The following PREPL variants were observed in gnomAD, a reference collection of about 807,000 sequenced individuals.
PREPL encodes the protein prolyl endopeptidase like, also known as prolyl endopeptidase-like.
A neutral mutation model predicts 70.6 loss-of-function variants in PREPL; 77 were observed. That is an observed-to-expected ratio of 1.09 (90% CI 0.91 to 1.32). The LOEUF is 1.32. Ranked by LOEUF, PREPL falls within the 40% of genes most tolerant of loss-of-function variation. PREPL has a pLI of 0.00. For synonymous variants in PREPL, 315 were observed against 264.8 expected (o/e 1.19, Z -1.84); for missense variants, 1,002 against 778.2 (o/e 1.29, Z -3.42).
At chr2:44,352,114 T>A (rs1363004657) in intron 1 of PREPL, among the ~76,000 whole-genome samples, 1 of 152,236 alleles carries the variant, frequency 6.6e-6, no homozygotes, top group Non-Finnish European at 1.5e-5. Context: ...AAATGTCATC[T>A]TCTAAGTTAG....
At chr2:44,343,037 A>C (rs187539574) in intron 4 of PREPL, among the ~76,000 whole-genome samples, 1 of 152,354 alleles carries the variant, frequency 6.6e-6, no homozygotes, top group East Asian at 1.9e-4. Flanking sequence ...AAGTTTGCAC[A>C]CAATTACACC....
At position 44,326,936 on chromosome 2, in the gene PREPL, T is replaced by C; in HGVS notation, c.1263-8A>G. The C allele has an allele frequency of 6.2e-7, 1 of 1,613,056 alleles. No homozygotes were observed. Among genetic ancestry groups the C allele is most frequent in the Non-Finnish European group, 8.5e-7 (1 of 1,179,366 alleles). ...CCTAACTCACCACCACCTCTGAAAT[T>C]GAAGGGCAAAAAAGTTTTAGTGGAA... On this transcript the variant is annotated splice_polypyrimidine_tract_variant and splice_region_variant and intron_variant, in intron 9 of 13. Transcript: ENST00000409411.
At chr2:44,323,200 G>GTT in intron 11 of PREPL, 62 bp downstream of exon 11, 65 of 1,295,910 alleles carry the variant, frequency 5.0e-5, no homozygotes, top group Admixed American at 1.0e-4. Context: ...GCTTGGATAA[G>GTT]TTTTTTTTTT....
intron 1 of PREPL, among the ~76,000 whole-genome samples, chr2:44,352,134 A>C (rs1019294355): frequency 6.6e-6 from 1 of 152,210 alleles, no homozygotes; most frequent in African/African-American, 2.4e-5. Flanking sequence ...GGCCTTTCCT[A>C]ACCATTTTAC....
chr2:44,350,932 G>T (rs1453735719), intron 1 of PREPL, among the ~76,000 whole-genome samples: 1 of 150,604 alleles, frequency 6.6e-6, no homozygotes, highest in Non-Finnish European at 1.5e-5. Context: ...TTCCTTCTCA[G>T]TATCTTTAGC....
chr2:44,359,645 T>C lies in PREPL; in HGVS notation c.-49+1735A>G, dbSNP rs374974603. On this transcript the variant is annotated intron_variant, in intron 1 of 13. Coordinates refer to ENST00000409411, the MANE Select transcript of PREPL (RefSeq NM_001171613.2). ...GTTATAGTGATTCAAATGCTGTTTC[T>C]GCATGCATTTTCCAAGGTGAGGAAT... 113 of 1,613,116 alleles carry C rather than the reference T, an allele frequency of 7.0e-5. 1 individual carries two copies. The Admixed American group carries it at 1.8e-3, about 26-fold the overall frequency.
chr2:44,360,024 C>A, intron 1 of PREPL: 1 of 260,726 alleles, frequency 3.8e-6, no homozygotes, highest in Non-Finnish European at 7.3e-6. Flanking sequence ...GACTCTGGCA[C>A]ACATAGGGGT....
In PREPL at chr2:44,318,641, A is replaced by G. The variant is rs1475072841; in HGVS notation, c.*2715T>C. On this transcript the variant is annotated 3_prime_UTR_variant, in exon 14 of 14. Coordinates refer to ENST00000409411, the MANE Select transcript of PREPL (RefSeq NM_001171613.2). ...TGCCTATGCAAACATATGATACATT[A>G]AAAACAAAAGAACATATAGTGCCTG... 1.3e-5 allele frequency: 2 copies of G among 152,260 alleles called. No individual in the cohort carries two copies. Among genetic ancestry groups the G allele is most frequent in the African/African-American group, 4.8e-5 (2 of 41,444 alleles). 9.4% of individuals were successfully genotyped at this position (152,260 alleles called of 1,614,324 possible). A position where few individuals can be genotyped will look rare whatever the true frequency, so the allele number is the denominator to read the frequency against.
At position 44,322,744 on chromosome 2, in the gene PREPL, C is replaced by G; in HGVS notation, c.1740G>C (p.Lys580Asn). The G allele has an allele frequency of 6.2e-7, 1 of 1,613,744 alleles. No homozygotes were observed. The highest frequency in any genetic ancestry group is 8.5e-7 in the Non-Finnish European group (1 of 1,179,746). ...GGGGTCTCCTACCTTCACCTGTGTC[C>G]TTAGCATGCTCCGCGATGGCTTCCT... ...KLKEAIAEHAKDTGEGYQTPN... is the reference protein window; with the variant it reads ...KLKEAIAEHANDTGEGYQTPN... The change falls in exon 12 of 14, where the codon AAG (lysine) becomes AAC (asparagine). Residue 580 changes from lysine to asparagine, a missense_variant. Lys to Asn is a moderately conservative substitution (Grantham distance 94). Coordinates refer to ENST00000409411, the MANE Select transcript of PREPL (RefSeq NM_001171613.2).
At position 44,332,550 on chromosome 2, in the gene PREPL, T is replaced by C. The variant is rs777559519; in HGVS notation, c.995A>G (p.Lys332Arg). The C allele has an allele frequency of 6.2e-7, 1 of 1,614,020 alleles. No individual in the cohort carries two copies. The highest frequency in any genetic ancestry group is 1.1e-5 in the South Asian group (1 of 91,080). Residue 332 changes from lysine to arginine, a missense_variant, in exon 8 of 14, where the codon AAG (lysine) becomes AGG (arginine). Lys to Arg is a conservative substitution (Grantham distance 26). Transcript: ENST00000409411. Reference protein sequence around the residue: ...PIRPPKYYTYKFAEGKLFEET... With the variant: ...PIRPPKYYTYRFAEGKLFEET... Reference sequence around the variant, plus strand: ...CTCAAACAGTTTGCCTTCTGCAAACTTGTATGTGTAATATTTTGGGGGACG... The same window carrying C: ...CTCAAACAGTTTGCCTTCTGCAAACCTGTATGTGTAATATTTTGGGGGACG...
chr2:44,361,846 A>G (rs548225185), upstream of PREPL: 26 of 1,291,836 alleles, frequency 2.0e-5, no homozygotes, highest in African/African-American at 3.7e-4. Context: ...TGCCAAGGAG[A>G]TGCGAGTACC....
At chr2:44,322,650 C>T (rs1673089524) in intron 12 of PREPL, 81 bp downstream of exon 12, 1 of 1,499,142 alleles carries the variant, frequency 6.7e-7, no homozygotes, top group Middle Eastern at 1.8e-4. Flanking sequence ...TTGGCTACAG[C>T]CTGAAATATA....
chr2:44,351,539 T>C (rs1394163108), intron 1 of PREPL, among the ~76,000 whole-genome samples: 1 of 151,478 alleles, frequency 6.6e-6, no homozygotes, highest in Non-Finnish European at 1.5e-5. Flanking sequence ...CAAAACCCTG[T>C]TCTCCAGGCA....
intron 5 of PREPL, among the ~76,000 whole-genome samples, chr2:44,340,326 G>A (rs1160425361): frequency 1.3e-5 from 2 of 151,988 alleles, no homozygotes; most frequent in African/African-American, 4.8e-5. Context: ...TTTAATAAGT[G>A]TATTTTTATG....
intron 1 of PREPL, chr2:44,360,252 T>A (rs1242146465): frequency 6.6e-6 from 1 of 152,294 alleles, no homozygotes; most frequent in African/African-American, 2.4e-5. Flanking sequence ...TATTGTTGAG[T>A]GTTAACTAAC....
At chr2:44,339,812 T>C (rs997452301) in intron 5 of PREPL, among the ~76,000 whole-genome samples, 7 of 152,128 alleles carry the variant, frequency 4.6e-5, no homozygotes, top group African/African-American at 1.4e-4. Context: ...GAGACACAAA[T>C]AGGGAATAAA....
chr2:44,354,068 A>T (rs1477244211), intron 1 of PREPL, among the ~76,000 whole-genome samples: 1 of 152,136 alleles, frequency 6.6e-6, no homozygotes, highest in African/African-American at 2.4e-5. Flanking sequence ...AGGCAGGAAG[A>T]CAGCACGAGC....
intron 9 of PREPL, among the ~76,000 whole-genome samples, chr2:44,328,064 T>A (rs1673702818): frequency 6.7e-6 from 1 of 149,742 alleles, no homozygotes; most frequent in Non-Finnish European, 1.5e-5. Flanking sequence ...GGCGGGCGGA[T>A]CACTTGAGGT....
rs111687992 is a variant in PREPL, at chr2:44,327,270, T to G, written c.1263-342A>C. On this transcript the variant is annotated intron_variant, in intron 9 of 13. Transcript: ENST00000409411. ...AGAAACAAACGAAAATCCCCTACCG[T>G]GGAGAAGACAGTAATTTTGTGGGGT... 3.6e-3 allele frequency among the ~76,000 whole-genome samples: 550 copies of G among 152,224 alleles called. 2 individuals are homozygous for G. Among genetic ancestry groups the G allele is most frequent in the African/African-American group, 0.012 (512 of 41,538 alleles).
Sources: gnomAD v4.1 joint callset for allele counts (sites outside exome capture counted in the v4.1 genomes callset) on GRCh38, gnomAD v4.1.1 for gene constraint, MANE v1.5 for transcripts, NCBI Gene and HGNC (gene_info 2026-07-23, HGNC 2026-07-21) for gene names.